Variants in NSL1 observed in about 807,000 individuals in gnomAD.
NSL1 encodes the protein kinetochore-associated protein NSL1 homolog.
NSL1 carries 11 observed loss-of-function variants against 25.4 expected under a neutral mutation model. The ratio of observed to expected loss-of-function variants is 0.43; its 90% confidence interval spans 0.27 to 0.72. NSL1 has a LOEUF of 0.72. NSL1 is among the 30% of genes least tolerant of loss of function. The pLI is 0.19. For missense variants in NSL1, 330 were observed against 342.7 expected (o/e 0.96, Z 0.29); for synonymous variants, 118 against 120.6 (o/e 0.98, Z 0.14).
intron 4 of NSL1, among the ~76,000 whole-genome samples, chr1:212,747,130 A>C (rs1034858197): frequency 1.9e-5 from 2 of 107,614 alleles, no homozygotes; most frequent in African/African-American, 1.2e-4. Flanking sequence ...CGACAGAGCA[A>C]AAAAAAAAAA....
intron 4 of NSL1, among the ~76,000 whole-genome samples, chr1:212,766,655 A>G (rs1659837921): frequency 6.6e-6 from 1 of 151,670 alleles, no homozygotes; most frequent in South Asian, 2.1e-4. Context: ...TAAAAAAAAA[A>G]AAAAGAAAAA....
intron 4 of NSL1, among the ~76,000 whole-genome samples, chr1:212,771,125 C>A (rs189783946): frequency 3.3e-5 from 5 of 152,222 alleles, no homozygotes; most frequent in Admixed American, 6.5e-5. Context: ...ACCAGCCTGA[C>A]CAACATGGAG....
chr1:212,776,747 CCAA>C (rs1480205778), intron 4 of NSL1, among the ~76,000 whole-genome samples: 2 of 150,812 alleles, frequency 1.3e-5, no homozygotes, highest in Non-Finnish European at 3.0e-5. Context: ...ACAAAAAAAA[CCAA>C]CAACAACAAA....
Position 212,791,641 on chromosome 1 carries a change from G to A in NSL1, c.123C>T (p.Thr41=). The A allele has an allele frequency of 6.2e-7, 1 of 1,613,934 alleles. No individual in the cohort carries two copies. The highest frequency in any genetic ancestry group is 1.7e-5 in the Admixed American group (1 of 60,024). ...GCATTTCGGTCACAGCCCGCTTCGA[G>A]GTGCAGCGCACCCGAAAGTCTTCTC... ...TPREDFRVRC[T]SKRAVTEMLQ... is the part of the protein sequence containing the mutation. Residue 41 remains threonine, a synonymous_variant, in exon 1 of 6, where the codon ACC becomes ACT. Transcript: ENST00000366977.
intron 4 of NSL1, chr1:212,766,357 G>A (rs1297020306): frequency 2.2e-6 from 1 of 445,232 alleles, no homozygotes; most frequent in African/African-American, 2.0e-5. Context: ...AGAAAGAAAT[G>A]AAGAAAATCC....
Position 212,738,574 on chromosome 1 carries a change from T to C in NSL1, c.680A>G (p.Lys227Arg). Residue 227 changes from lysine to arginine, a missense_variant, in exon 6 of 6, where the codon AAA (lysine) becomes AGA (arginine). By Grantham distance (26) the Lys-to-Arg change is conservative (BLOSUM62 2). Coordinates refer to ENST00000366977, the MANE Select transcript of NSL1 (RefSeq NM_015471.4). ...HQEVFSSCHR[K>R]PDAKPENFIT... is the part of the protein sequence containing the mutation. ...AAAGTTCTCAGGTTTAGCATCTGGTTTCCTATGACAACTGGAAAAGACTTC... is the reference window on the plus strand; with the variant it reads ...AAAGTTCTCAGGTTTAGCATCTGGTCTCCTATGACAACTGGAAAAGACTTC... 6.2e-7 allele frequency: 1 copy of C among 1,614,186 alleles called. No homozygotes were observed. The highest frequency in any genetic ancestry group is 8.5e-7 in the Non-Finnish European group (1 of 1,180,016).
chr1:212,729,996 A>G lies in NSL1; in HGVS notation c.*8412T>C. 1.4e-5 allele frequency: 14 copies of G among 984,624 alleles called. No homozygotes were observed. Among genetic ancestry groups the G allele is most frequent in the Non-Finnish European group, 1.7e-5 (14 of 829,394 alleles). 61.0% of individuals were successfully genotyped at this position (984,624 alleles called of 1,614,324 possible). A position where few individuals can be genotyped will look rare whatever the true frequency, so the allele number is the denominator to read the frequency against. ...CCGGGCGTGGCGGCTCACTCCTGTA[A>G]TCACAGCACTTTGGGAGGCCAGGGC... is the stretch of plus-strand genomic sequence containing the variant. On this transcript the variant is annotated 3_prime_UTR_variant, in exon 6 of 6. Transcript: ENST00000366977.
At position 212,738,523 on chromosome 1, in the gene NSL1, G is replaced by A. The variant is rs778525347; in HGVS notation, c.731C>T (p.Thr244Ile). Residue 244 changes from threonine (T) to isoleucine (I), a missense_variant, in exon 6 of 6, where the codon ACA (threonine) becomes ATA (isoleucine). Thr to Ile is a moderately conservative substitution (Grantham distance 89). Coordinates refer to ENST00000366977, the MANE Select transcript of NSL1 (RefSeq NM_015471.4). The stretch of plus-strand genomic sequence containing the variant: ...AGAGGTTTTCCTGGAAGCAGTCTCT[G>A]TTGGTGTGGTTTCTATCTGTGTTAT... ...NFITQIETTP[T>I]ETASRKTSDM... 3.1e-6 allele frequency: 5 copies of A among 1,614,120 alleles called. No homozygotes were observed. The South Asian group carries it at 5.5e-5, about 18-fold the overall frequency.
chr1:212,790,335 C>T (rs1441465929), intron 1 of NSL1, among the ~76,000 whole-genome samples: 1 of 152,106 alleles, frequency 6.6e-6, no homozygotes, highest in Non-Finnish European at 1.5e-5. Context: ...CCCCTTTTGC[C>T]TGTTTTAGAG....
At chr1:212,749,305 A>G (rs2102440302) in intron 4 of NSL1, among the ~76,000 whole-genome samples, 2 of 151,298 alleles carry the variant, frequency 1.3e-5, no homozygotes, top group East Asian at 1.9e-4. Context: ...TTTACAAAAT[A>G]ATCCATCACT....
intron 4 of NSL1, among the ~76,000 whole-genome samples, chr1:212,779,827 A>T (rs1571915964): frequency 7.8e-6 from 1 of 127,524 alleles, no homozygotes; most frequent in African/African-American, 3.0e-5. Context: ...TCCGGGAGGG[A>T]GGTGGGGGGG....
At position 212,791,699 on chromosome 1, in the gene NSL1, G is replaced by A. The variant is rs556887191; in HGVS notation, c.65C>T (p.Thr22Ile). The A allele has an allele frequency of 8.1e-6, 13 of 1,613,942 alleles. No homozygotes were observed. The African/African-American group carries it at 1.5e-4, about 18-fold the overall frequency. ...GGCGGAGACCAAGGCCTGGCTCTCTGTGCCAGCCGCGAGCTCCTTGTCCCA... is the reference window on the plus strand; with the variant it reads ...GGCGGAGACCAAGGCCTGGCTCTCTATGCCAGCCGCGAGCTCCTTGTCCCA... ...PPWDKELAAG[T>I]ESQALVSATP... Residue 22 changes from threonine (T) to isoleucine (I), a missense_variant, in exon 1 of 6, where the codon ACA (threonine) becomes ATA (isoleucine). Thr to Ile is a moderately conservative substitution (Grantham distance 89, BLOSUM62 -1). Coordinates refer to ENST00000366977, the MANE Select transcript of NSL1 (RefSeq NM_015471.4).
At position 212,738,398 on chromosome 1, in the gene NSL1, C is replaced by A; in HGVS notation, c.*10G>T. The A allele has an allele frequency of 1.3e-6, 2 of 1,595,618 alleles. No individual in the cohort carries two copies. The highest frequency in any genetic ancestry group is 8.5e-7 in the Non-Finnish European group (1 of 1,171,604). On this transcript the variant is annotated 3_prime_UTR_variant, in exon 6 of 6. Transcript: ENST00000366977. The stretch of plus-strand genomic sequence containing the variant: ...GCCTATTTTCAACTCCCAAAATAAA[C>A]AGAAAGAGCTCATGTATCAAGATTA...
In NSL1 at chr1:212,728,072, T is replaced by C; in HGVS notation, c.*10336A>G. On this transcript the variant is annotated 3_prime_UTR_variant, in exon 6 of 6. Coordinates refer to ENST00000366977, the MANE Select transcript of NSL1 (RefSeq NM_015471.4). ...GACCGCTGGGAAGGTGGCCAGGCAC[T>C]TCCCTTCTCATCTCCACCTCTTTCT... The C allele has an allele frequency of 5.1e-6, 5 of 985,364 alleles. No individual in the cohort carries two copies. The highest frequency in any genetic ancestry group is 6.0e-6 in the Non-Finnish European group (5 of 829,874). The allele number at this position is 985,364 out of a possible 1,614,324, so 61.0% of individuals were successfully genotyped here. A position where few individuals can be genotyped will look rare whatever the true frequency, so the allele number is the denominator to read the frequency against.
In NSL1 at chr1:212,727,626, A is replaced by G. The variant is rs1028009306; in HGVS notation, c.*10782T>C. ...TGTTTTGTAACCTTCTAAAATTCAC[A>G]CGTCACAAATTCAGAATTTACTATA... On this transcript the variant is annotated 3_prime_UTR_variant, in exon 6 of 6. Transcript: ENST00000366977. 5.1e-6 allele frequency: 5 copies of G among 985,270 alleles called. No homozygotes were observed. In the African/African-American group the frequency reaches 7.0e-5, roughly 14 times the overall value. The allele number at this position is 985,270 out of a possible 1,614,324, so 61.0% of individuals were successfully genotyped here. A position where few individuals can be genotyped will look rare whatever the true frequency, so the allele number is the denominator to read the frequency against.
rs1310683710 is a variant in NSL1 at position 212,732,914 on chromosome 1, G to C, written c.*5494C>G. 6.6e-6 allele frequency among the ~76,000 whole-genome samples: 1 copy of C among 152,168 alleles called. No homozygotes were observed. Among genetic ancestry groups the C allele is most frequent in the East Asian group, 1.9e-4 (1 of 5,200 alleles). ...GAGAATATTTCTCCAGATGCTTCTA[G>C]ATTTTAGGATTGTTGTTTAGTAATC... On this transcript the variant is annotated 3_prime_UTR_variant, in exon 6 of 6. Coordinates refer to ENST00000366977, the MANE Select transcript of NSL1 (RefSeq NM_015471.4).
rs749858834 is a variant in NSL1 at position 212,736,210 on chromosome 1, G to GT, written c.*2197dup. ...GTGCCATCACACCCTGCTAATTTTT[G>GT]TATTTTTTGTAGAAATGGAGTTTCA... On this transcript the variant is annotated 3_prime_UTR_variant, in exon 6 of 6. Transcript: ENST00000366977. 2.8e-4 allele frequency: 181 copies of GT among 636,554 alleles called. No homozygotes were observed. Among genetic ancestry groups the GT allele is most frequent in the Non-Finnish European group, 3.4e-4 (174 of 511,558 alleles). 39.4% of individuals were successfully genotyped at this position (636,554 alleles called of 1,614,324 possible).
chr1:212,741,265 C>T lies in NSL1; in HGVS notation c.500-1664G>A, dbSNP rs568474709. On this transcript the variant is annotated intron_variant, in intron 4 of 5. Transcript: ENST00000366977. ...GTGGCAATATGGATTCTAGCCAGGC[C>T]CACACTTACTCTCTCTTCAAGCTTG... Among the ~76,000 whole-genome samples, 7 of 152,230 alleles carry T rather than the reference C, an allele frequency of 4.6e-5. 1 individual carries two copies. The South Asian group carries it at 1.5e-3, about 32-fold the overall frequency.
chr1:212,735,313 T>G lies in NSL1; in HGVS notation c.*3095A>C. 4 of 985,272 alleles carry G rather than the reference T, an allele frequency of 4.1e-6. No homozygotes were observed. Among genetic ancestry groups the G allele is most frequent in the Non-Finnish European group, 4.8e-6 (4 of 829,854 alleles). 61.0% of individuals were successfully genotyped at this position (985,272 alleles called of 1,614,324 possible). A position where few individuals can be genotyped will look rare whatever the true frequency, so the allele number is the denominator to read the frequency against. On this transcript the variant is annotated 3_prime_UTR_variant, in exon 6 of 6. Coordinates refer to ENST00000366977, the MANE Select transcript of NSL1 (RefSeq NM_015471.4). The stretch of plus-strand genomic sequence containing the variant: ...TAAGATCTCTGACTTTTGATCCGAG[T>G]AGGTGTCCAACTGTATGTGTTGAAC...
Sources: gnomAD v4.1 joint callset for allele counts (sites outside exome capture counted in the v4.1 genomes callset) on GRCh38, gnomAD v4.1.1 for gene constraint, MANE v1.5 for transcripts, NCBI Gene and HGNC (gene_info 2026-07-23, HGNC 2026-07-21) for gene names.